Variants in RSRC1 observed in about 807,000 individuals in gnomAD.
The protein encoded by RSRC1 is arginine and serine rich coiled-coil 1.
In RSRC1, 39 loss-of-function variants were observed where a neutral mutation model predicts 49.1. The observed-to-expected ratio is 0.79, with a 90% CI of 0.61 to 1.04. RSRC1 has a LOEUF of 1.04. RSRC1 is among the 50% of genes least tolerant of loss of function. The probability of loss-of-function intolerance (pLI) is 0.00; values close to 1 mark genes in which losing one functional copy is unlikely to be tolerated. For missense variants in RSRC1, 388 were observed against 402.4 expected (o/e 0.96, Z 0.31); for synonymous variants, 143 against 130.8 (o/e 1.09, Z -0.63).
intron 7 of RSRC1, among the ~76,000 whole-genome samples, chr3:158,500,608 G>A (rs1335313857): frequency 6.6e-6 from 1 of 151,916 alleles, no homozygotes; most frequent in Non-Finnish European, 1.5e-5. Context: ...ATTTTTCCAG[G>A]AATTTATCCA....
intron 7 of RSRC1, among the ~76,000 whole-genome samples, chr3:158,506,673 G>A (rs928784163): frequency 6.6e-6 from 1 of 151,566 alleles, no homozygotes; most frequent in Non-Finnish European, 1.5e-5. Context: ...ACAAAAATTA[G>A]TGGTTGCTGG....
chr3:158,180,949 C>T (rs1437501200), intron 3 of RSRC1, among the ~76,000 whole-genome samples: 2 of 151,672 alleles, frequency 1.3e-5, no homozygotes, highest in African/African-American at 2.4e-5. Flanking sequence ...GGATTTCAGG[C>T]GCCCACCACC....
chr3:158,178,890 T>G (rs1719422344), intron 3 of RSRC1, among the ~76,000 whole-genome samples: 2 of 152,190 alleles, frequency 1.3e-5, no homozygotes, highest in East Asian at 3.9e-4. Context: ...AAATGTTTTA[T>G]TTTTAAATTG....
chr3:158,473,314 C>T (rs1326821627), intron 7 of RSRC1, among the ~76,000 whole-genome samples: 1 of 152,090 alleles, frequency 6.6e-6, no homozygotes. Context: ...ACATATACAC[C>T]ATGGAATACT....
chr3:158,159,536 A>G (rs1338293410), intron 3 of RSRC1, among the ~76,000 whole-genome samples: 1 of 152,190 alleles, frequency 6.6e-6, no homozygotes, highest in Non-Finnish European at 1.5e-5. Context: ...GACAAATGAC[A>G]GTATCACATT....
At chr3:158,376,687 C>A (rs143669597) in intron 6 of RSRC1, among the ~76,000 whole-genome samples, 3 of 152,256 alleles carry the variant, frequency 2.0e-5, no homozygotes, top group African/African-American at 7.2e-5. Context: ...TGTGTGGTGT[C>A]AAGTGTTTTG....
intron 5 of RSRC1, among the ~76,000 whole-genome samples, chr3:158,306,379 C>T (rs549990131): frequency 4.6e-5 from 7 of 151,780 alleles, no homozygotes; most frequent in Non-Finnish European, 1.0e-4. Context: ...TATACACACA[C>T]GTGAAGCTGG....
chr3:158,404,494 G>A (rs1734052572), intron 6 of RSRC1, among the ~76,000 whole-genome samples: 2 of 151,846 alleles, frequency 1.3e-5, no homozygotes, highest in Non-Finnish European at 1.5e-5. Context: ...CTTTTATTGG[G>A]TCAATTGTTT....
At chr3:158,476,525 A>G (rs1284574078) in intron 7 of RSRC1, among the ~76,000 whole-genome samples, 1 of 152,154 alleles carries the variant, frequency 6.6e-6, no homozygotes. Flanking sequence ...CAAAAATCCT[A>G]GGGTCCTTGT....
intron 3 of RSRC1, among the ~76,000 whole-genome samples, chr3:158,136,321 C>G (rs1716374349): frequency 1.3e-5 from 2 of 151,868 alleles, no homozygotes. Flanking sequence ...TTAGATGTAC[C>G]TATTATTTTG....
intron 6 of RSRC1, among the ~76,000 whole-genome samples, chr3:158,416,178 A>AT (rs138313875): frequency 0.22 from 32,792 of 150,710 alleles, 4,139 homozygotes; most frequent in Non-Finnish European, 0.29. Flanking sequence ...AGAGTCTTCT[A>AT]TTTTTTTTTA....
At chr3:158,472,858 T>A (rs1278720803) in intron 7 of RSRC1, among the ~76,000 whole-genome samples, 1 of 152,224 alleles carries the variant, frequency 6.6e-6, no homozygotes, top group African/African-American at 2.4e-5. Context: ...TAGATCCCAT[T>A]TGTCAATTTT....
At chr3:158,446,668 G>A (rs1372189453) in intron 6 of RSRC1, among the ~76,000 whole-genome samples, 1 of 151,952 alleles carries the variant, frequency 6.6e-6, no homozygotes, top group Non-Finnish European at 1.5e-5. Context: ...ACTGAATTTA[G>A]TTACTTGAGT....
chr3:158,124,813 T>A (rs896060604), intron 3 of RSRC1, among the ~76,000 whole-genome samples: 1 of 130,610 alleles, frequency 7.7e-6, no homozygotes, highest in Non-Finnish European at 1.5e-5. Flanking sequence ...TTTCTTTTTC[T>A]TTCTTTCTTT....
At chr3:158,289,796 AATT>A (rs1414812865) in intron 4 of RSRC1, among the ~76,000 whole-genome samples, 4 of 152,168 alleles carry the variant, frequency 2.6e-5, no homozygotes, top group Non-Finnish European at 5.9e-5. Context: ...CAAAAATAGA[AATT>A]ATTTTTGCTT....
intron 4 of RSRC1, among the ~76,000 whole-genome samples, chr3:158,283,814 T>A (rs1726326261): frequency 6.6e-6 from 1 of 152,110 alleles, no homozygotes; most frequent in African/African-American, 2.4e-5. Flanking sequence ...CTGCTTCCAC[T>A]GGCAGTGCAT....
At chr3:158,489,610 G>A (rs1578538097) in intron 7 of RSRC1, among the ~76,000 whole-genome samples, 1 of 151,874 alleles carries the variant, frequency 6.6e-6, no homozygotes, top group South Asian at 2.1e-4. Context: ...TAAAAAACAT[G>A]GGTAGTATTT....
chr3:158,122,395 T>C (rs1222511485), intron 2 of RSRC1, 97 bp downstream of exon 2: 1 of 914,904 alleles, frequency 1.1e-6, no homozygotes, highest in Non-Finnish European at 1.6e-6. Context: ...AACATTTTTC[T>C]TTTACTAGCT....
At chr3:158,364,385 G>A (rs1377400255) in intron 6 of RSRC1, among the ~76,000 whole-genome samples, 2 of 152,044 alleles carry the variant, frequency 1.3e-5, no homozygotes, top group Admixed American at 6.6e-5. Flanking sequence ...AGATTGAAAC[G>A]TTTATTTTTA....
Sources: allele counts gnomAD v4.1 joint callset (sites outside exome capture counted in the v4.1 genomes callset), GRCh38; gene constraint gnomAD v4.1.1; transcripts MANE v1.5; gene names NCBI Gene and HGNC (gene_info 2026-07-23, HGNC 2026-07-21).